SRBD1: variants seen among roughly 807,000 people sequenced by gnomAD.
SRBD1 encodes the protein S1 RNA-binding domain-containing protein 1.
A neutral mutation model predicts 115.3 loss-of-function variants in SRBD1; 88 were observed. The observed-to-expected ratio is 0.76, with a 90% CI of 0.64 to 0.91. The LOEUF is 0.91. Ranked by LOEUF, SRBD1 falls within the 40% of genes least tolerant of loss-of-function variation. SRBD1 has a pLI of 0.00. For missense variants in SRBD1, 1,385 were observed against 1,177.4 expected, an observed-to-expected ratio of 1.18 and a Z score of -2.58; for synonymous variants, 509 against 407.7, an observed-to-expected ratio of 1.25 and a Z score of -2.99.
At chr2:45,435,692 C>T (rs767910917) in intron 16 of SRBD1, among the ~76,000 whole-genome samples, 1 of 152,080 alleles carries the variant, frequency 6.6e-6, no homozygotes, top group Non-Finnish European at 1.5e-5. Flanking sequence ...TTGAACACCC[C>T]GGATACTCTG....
At chr2:45,452,697 T>G (rs1230841109) in intron 16 of SRBD1, among the ~76,000 whole-genome samples, 1 of 152,020 alleles carries the variant, frequency 6.6e-6, no homozygotes, top group African/African-American at 2.4e-5. Context: ...GATCTTCCTA[T>G]GAGAATATCC....
chr2:45,598,157 G>C (rs1037249036), intron 4 of SRBD1, among the ~76,000 whole-genome samples: 1 of 152,134 alleles, frequency 6.6e-6, no homozygotes, highest in African/African-American at 2.4e-5. Flanking sequence ...TGCCTTCTAG[G>C]TATAAATGAA....
intron 14 of SRBD1, among the ~76,000 whole-genome samples, chr2:45,492,404 T>C (rs917213581): frequency 6.6e-6 from 1 of 152,148 alleles, no homozygotes; most frequent in Admixed American, 6.5e-5. Flanking sequence ...GAAGGTGAGA[T>C]TATTTTCATG....
intron 16 of SRBD1, among the ~76,000 whole-genome samples, chr2:45,456,793 T>A (rs1669168449): frequency 2.6e-5 from 4 of 151,952 alleles, no homozygotes; most frequent in Admixed American, 1.3e-4. Flanking sequence ...TGAATTAATT[T>A]TCCAAGGAAA....
intron 14 of SRBD1, among the ~76,000 whole-genome samples, chr2:45,527,630 C>T (rs1671488896): frequency 6.6e-6 from 1 of 151,686 alleles, no homozygotes; most frequent in Middle Eastern, 3.2e-3. Context: ...TGCCAAGCAC[C>T]ATTCTAAGTA....
At chr2:45,508,889 T>G (rs1008875415) in intron 14 of SRBD1, among the ~76,000 whole-genome samples, 1 of 152,100 alleles carries the variant, frequency 6.6e-6, no homozygotes, top group East Asian at 1.9e-4. Flanking sequence ...CAGGCATTCT[T>G]AGACAATTTT....
At chr2:45,506,575 T>C (rs1394312838) in intron 14 of SRBD1, among the ~76,000 whole-genome samples, 13 of 152,142 alleles carry the variant, frequency 8.5e-5, no homozygotes, top group Admixed American at 8.5e-4. Context: ...TCACACTAAA[T>C]CAGCCCAGGG....
chr2:45,475,747 A>G (rs923992964), intron 16 of SRBD1, among the ~76,000 whole-genome samples: 2 of 152,194 alleles, frequency 1.3e-5, no homozygotes, highest in African/African-American at 4.8e-5. Flanking sequence ...CACCCAGGCT[A>G]GAGTGCAGTG....
At chr2:45,413,941 G>C (rs1259485523) in intron 18 of SRBD1, among the ~76,000 whole-genome samples, 1 of 151,676 alleles carries the variant, frequency 6.6e-6, no homozygotes, top group Admixed American at 6.6e-5. Flanking sequence ...CAAAAAAAAA[G>C]AAAGAAAAGA....
intron 5 of SRBD1, 129 bp from the exon 6 acceptor site, chr2:45,581,939 A>G (rs983655540): frequency 4.2e-5 from 29 of 687,070 alleles, no homozygotes; most frequent in African/African-American, 3.6e-5. Flanking sequence ...CTGTTTGAGA[A>G]TAAGTTAACA....
rs370014618 is a variant in SRBD1, at chr2:45,419,855, T to C, written c.2089A>G (p.Ser697Gly). 1.5e-5 allele frequency: 24 copies of C among 1,613,604 alleles called. No individual in the cohort carries two copies. Among genetic ancestry groups the C allele is most frequent in the Non-Finnish European group, 1.9e-5 (23 of 1,179,852 alleles). ...AAGCTGACACATTCTTCTACAACAC[T>C]GTCCAGTGTTGCCTTGAGTAAAGTC... ...SQTLLKATLDSVVEECVSFVG... is the reference protein window; with the variant it reads ...SQTLLKATLDGVVEECVSFVG... The change falls in exon 17 of 21, where the codon AGT becomes GGT. Residue 697 changes from serine (S) to glycine (G), a missense_variant. Physicochemically the swap from Ser to Gly is moderately conservative, Grantham distance 56. Coordinates refer to ENST00000263736, the MANE Select transcript of SRBD1 (RefSeq NM_018079.5).
chr2:45,505,020 T>G (rs1311223255), intron 14 of SRBD1, among the ~76,000 whole-genome samples: 1 of 151,964 alleles, frequency 6.6e-6, no homozygotes, highest in African/African-American at 2.4e-5. Flanking sequence ...TCACACCAAA[T>G]AGGTGCAAAG....
At chr2:45,585,142 T>TCA (rs1226754913) in intron 5 of SRBD1, among the ~76,000 whole-genome samples, 1 of 150,882 alleles carries the variant, frequency 6.6e-6, no homozygotes, top group Non-Finnish European at 1.5e-5. Flanking sequence ...AGAGCAAGAC[T>TCA]CTGTCTCCGA....
intron 16 of SRBD1, among the ~76,000 whole-genome samples, chr2:45,428,364 C>T (rs1668222292): frequency 6.6e-6 from 1 of 152,066 alleles, no homozygotes; most frequent in Non-Finnish European, 1.5e-5. Flanking sequence ...CCCTGGCTAA[C>T]ACAGTGAAAC....
intron 3 of SRBD1, among the ~76,000 whole-genome samples, chr2:45,600,929 GCCA>G (rs999815100): frequency 6.6e-6 from 1 of 152,092 alleles, no homozygotes; most frequent in African/African-American, 2.4e-5. Context: ...ATGCCAACCT[GCCA>G]CCACCACCAT....
intron 4 of SRBD1, among the ~76,000 whole-genome samples, chr2:45,586,480 C>T (rs1673525868): frequency 6.6e-6 from 1 of 152,072 alleles, no homozygotes; most frequent in Non-Finnish European, 1.5e-5. Flanking sequence ...TTGGAAGACC[C>T]TTCTATATCT....
chr2:45,484,290 T>C (rs1670050633), intron 15 of SRBD1, among the ~76,000 whole-genome samples: 1 of 152,184 alleles, frequency 6.6e-6, no homozygotes, highest in South Asian at 2.1e-4. Context: ...GCTCTGGCCA[T>C]TTCTTTGTGG....
intron 16 of SRBD1, among the ~76,000 whole-genome samples, chr2:45,460,922 T>C (rs781766241): frequency 9.9e-5 from 15 of 152,178 alleles, no homozygotes; most frequent in Non-Finnish European, 2.2e-4. Context: ...ATCACCACTA[T>C]GGAAGCAGTT....
At chr2:45,590,994 G>A (rs1267559804) in intron 4 of SRBD1, among the ~76,000 whole-genome samples, 3 of 149,280 alleles carry the variant, frequency 2.0e-5, no homozygotes, top group African/African-American at 7.4e-5. Flanking sequence ...TCCAGCCTGG[G>A]CAACAAGAGT....
Sources: allele counts gnomAD v4.1 joint callset (sites outside exome capture counted in the v4.1 genomes callset), GRCh38; gene constraint gnomAD v4.1.1; transcripts MANE v1.5; gene names NCBI Gene and HGNC (gene_info 2026-07-23, HGNC 2026-07-21).